The following ADAMTSL1 variants were observed in gnomAD, a reference collection of about 807,000 sequenced individuals.
The protein encoded by ADAMTSL1 is ADAMTS-like protein 1.
ADAMTSL1 carries 126 observed loss-of-function variants against 201.8 expected under a neutral mutation model. The observed-to-expected ratio is 0.62, with a 90% CI of 0.54 to 0.72. The LOEUF (loss-of-function observed/expected upper bound fraction) is 0.72, where lower values mean the gene tolerates loss of function less well. Among genes scored for constraint, ADAMTSL1 ranks in the 30% least tolerant of loss-of-function variants. The pLI is 0.00. For synonymous variants in ADAMTSL1, 1,121 were observed against 903.4 expected (o/e 1.24, Z -4.32); for missense variants, 2,679 against 2,277.8 (o/e 1.18, Z -3.59).
intron 23 of ADAMTSL1, among the ~76,000 whole-genome samples, chr9:18,875,743 TC>T (rs1186037830): frequency 6.6e-6 from 1 of 152,214 alleles, no homozygotes; most frequent in African/African-American, 2.4e-5. Context: ...GGTAGAATAT[TC>T]TACAAATATC....
At chr9:18,271,994 A>G (rs996633627) in intron 2 of ADAMTSL1, among the ~76,000 whole-genome samples, 5 of 150,686 alleles carry the variant, frequency 3.3e-5, no homozygotes, top group Admixed American at 6.6e-5. Context: ...GCGTCTGTTC[A>G]TATCCTTCGC....
chr9:18,087,931 C>T (rs1329052312), intron 1 of ADAMTSL1, among the ~76,000 whole-genome samples: 1 of 152,238 alleles, frequency 6.6e-6, no homozygotes, highest in African/African-American at 2.4e-5. Flanking sequence ...TTTGTCCACA[C>T]CTGATATCTT....
intron 1 of ADAMTSL1, among the ~76,000 whole-genome samples, chr9:18,001,799 G>T (rs1819621103): frequency 6.6e-6 from 1 of 151,998 alleles, no homozygotes; most frequent in African/African-American, 2.4e-5. Context: ...TCGCAGAGAG[G>T]GCCAGTAGGA....
chr9:18,495,112 A>G (rs1225755262), intron 1 of ADAMTSL1, among the ~76,000 whole-genome samples: 1 of 152,144 alleles, frequency 6.6e-6, no homozygotes. Context: ...AATTGATAAG[A>G]CTTGATGTCT....
At chr9:18,419,817 C>A (rs1181164846) in intron 2 of ADAMTSL1, among the ~76,000 whole-genome samples, 2 of 151,292 alleles carry the variant, frequency 1.3e-5, no homozygotes, top group Non-Finnish European at 2.9e-5. Context: ...GCAACCTCCG[C>A]CTCCCAGGTT....
chr9:18,881,761 A>G (rs1402602634), intron 23 of ADAMTSL1, among the ~76,000 whole-genome samples: 1 of 152,232 alleles, frequency 6.6e-6, no homozygotes, highest in African/African-American at 2.4e-5. Flanking sequence ...AAAGTACAAT[A>G]AAGTGAGGTA....
chr9:18,488,167 C>T (rs184379337), intron 1 of ADAMTSL1, among the ~76,000 whole-genome samples: 23 of 152,226 alleles, frequency 1.5e-4, no homozygotes, highest in Admixed American at 6.5e-4. Flanking sequence ...GGATTATTCC[C>T]GCCTTTATTT....
chr9:18,508,115 G>A (rs537670786), intron 2 of ADAMTSL1, among the ~76,000 whole-genome samples: 1 of 151,968 alleles, frequency 6.6e-6, no homozygotes, highest in South Asian at 2.1e-4. Flanking sequence ...AACCCCAGAG[G>A]CAGAGGTTGC....
intron 2 of ADAMTSL1, among the ~76,000 whole-genome samples, chr9:18,344,854 C>T (rs1318964973): frequency 1.3e-5 from 2 of 152,136 alleles, no homozygotes; most frequent in Non-Finnish European, 2.9e-5. Context: ...GTTCAGAACC[C>T]ATGGGGTTCT....
chr9:18,568,657 G>T (rs1049630753), intron 3 of ADAMTSL1, among the ~76,000 whole-genome samples: 7 of 152,018 alleles, frequency 4.6e-5, no homozygotes, highest in Non-Finnish European at 7.4e-5. Flanking sequence ...GAGTGATTAG[G>T]ACAGTGTGGA....
At chr9:17,944,118 A>G (rs1651534344) in intron 1 of ADAMTSL1, among the ~76,000 whole-genome samples, 1 of 152,156 alleles carries the variant, frequency 6.6e-6, no homozygotes, top group South Asian at 2.1e-4. Context: ...GATGGGAACA[A>G]ATATCCAATT....
At chr9:17,925,527 A>T in intron 1 of ADAMTSL1, among the ~76,000 whole-genome samples, 1 of 98,772 alleles carries the variant, frequency 1.0e-5, no homozygotes, top group African/African-American at 3.3e-5. Flanking sequence ...ATGCAGCCAT[A>T]AAAAATGATG....
chr9:18,185,997 T>A (rs1828716593), intron 2 of ADAMTSL1, among the ~76,000 whole-genome samples: 1 of 152,182 alleles, frequency 6.6e-6, no homozygotes, highest in Non-Finnish European at 1.5e-5. Context: ...GAATTACATA[T>A]CCCTTTCTCA....
chr9:18,021,666 T>A (rs1303080303), intron 1 of ADAMTSL1, among the ~76,000 whole-genome samples: 2 of 152,170 alleles, frequency 1.3e-5, no homozygotes, highest in African/African-American at 4.8e-5. Context: ...ATATAACTGC[T>A]CAGATGATTG....
rs141335256 is a variant in ADAMTSL1 at position 18,016,063 on chromosome 9, A to T, written c.87+109141A>T. 1.1e-3 allele frequency among the ~76,000 whole-genome samples: 172 copies of T among 152,166 alleles called. 2 individuals are homozygous for T. In the East Asian group the frequency reaches 0.027, roughly 24 times the overall value. On this transcript the variant is annotated intron_variant, in intron 1 of 29. Transcript: ENST00000680146. ...GTAACAAATACTTGATCATTTATAC[A>T]ATCTTAATAACTTCCTCAAGGATTT...
rs753473777 is a variant in ADAMTSL1, at chr9:18,892,512, C to T, written c.4767C>T (p.Cys1589=). 1.9e-5 allele frequency: 31 copies of T among 1,602,284 alleles called. No individual in the cohort carries two copies. The highest frequency in any genetic ancestry group is 6.7e-5 in the African/African-American group (5 of 74,708). The change falls in exon 26 of 29, where the codon TGC becomes TGT. Residue 1589 remains cysteine, a synonymous_variant. Coordinates refer to ENST00000380548, the MANE Select transcript of ADAMTSL1 (RefSeq NM_001040272.6). The part of the protein sequence containing the change: ...GISTPVSNDM[C]TQVAKRPVDT... Reference sequence around the variant, plus strand: ...CCACCCCTGTGTCCAATGACATGTGCACCCAGGTCGCCAAGCGGCCTGTGG... The same window carrying T: ...CCACCCCTGTGTCCAATGACATGTGTACCCAGGTCGCCAAGCGGCCTGTGG...
intron 2 of ADAMTSL1, among the ~76,000 whole-genome samples, chr9:18,417,382 G>GAAAAAAAAAAAAAAA (rs750731863): frequency 3.7e-5 from 4 of 108,838 alleles, no homozygotes; most frequent in African/African-American, 1.0e-4. Context: ...AAAAAAAAAA[G>GAAAAAAAAAAAAAAA]AAAAAAAAAA....
intron 16 of ADAMTSL1, among the ~76,000 whole-genome samples, chr9:18,756,936 T>C (rs1325396576): frequency 1.3e-5 from 2 of 152,240 alleles, no homozygotes; most frequent in Non-Finnish European, 2.9e-5. Flanking sequence ...CTTTGTAGAG[T>C]ATTTGTCTGA....
chr9:18,686,398 A>G (rs1830840210), intron 13 of ADAMTSL1, among the ~76,000 whole-genome samples: 1 of 152,228 alleles, frequency 6.6e-6, no homozygotes, highest in Non-Finnish European at 1.5e-5. Context: ...ATGAAAATAT[A>G]AAGGCTTACA....
Sources: allele counts gnomAD v4.1 joint callset (sites outside exome capture counted in the v4.1 genomes callset), GRCh38; gene constraint gnomAD v4.1.1; transcripts MANE v1.5; gene names NCBI Gene and HGNC (gene_info 2026-07-23, HGNC 2026-07-21).